The following NLRP10 variants were observed in gnomAD, a reference collection of about 807,000 sequenced individuals.
NLRP10 encodes NACHT, LRR and PYD domains-containing protein 10.
In NLRP10, 7 loss-of-function variants were observed where a neutral mutation model predicts 8.2. The observed-to-expected ratio is 0.85, with a 90% CI of 0.48 to 1.60. NLRP10 has a LOEUF of 1.60. Among genes scored for constraint, NLRP10 ranks in the 40% most tolerant of loss-of-function variants. The pLI, the probability that NLRP10 is intolerant of heterozygous loss-of-function variation, is 0.00. For synonymous variants in NLRP10, 338 were observed against 314.0 expected (o/e 1.08, Z -0.81); for missense variants, 814 against 776.3 (o/e 1.05, Z -0.58).
At chr11:7,963,122 A>C in intron 2 of NLRP10, 85 bp downstream of exon 2, 1 of 1,349,564 alleles carries the variant, frequency 7.4e-7, no homozygotes, top group East Asian at 2.3e-5. Context: ...CATAAGGTAC[A>C]GGCTACAGGC....
rs529453927 is a variant in NLRP10 at position 7,961,065 on chromosome 11, C to T, written c.547G>A (p.Ala183Thr). Reference sequence around the variant, plus strand: ...GCCCAGTCCAACACCATTTTTCTGGCGAGAGTTGTCTTTCCAGTGCCAGCC... The same window carrying T: ...GCCCAGTCCAACACCATTTTTCTGGTGAGAGTTGTCTTTCCAGTGCCAGCC... ...GSAGTGKTTL[A>T]RKMVLDWATG... Residue 183 changes from alanine to threonine, a missense_variant, in exon 3 of 3, where the codon GCC becomes ACC. By Grantham distance (58) the Ala-to-Thr change is moderately conservative (BLOSUM62 0). Transcript: ENST00000691676. The T allele has an allele frequency of 1.9e-5, 30 of 1,614,184 alleles. No individual in the cohort carries two copies. In the East Asian group the frequency reaches 4.7e-4, roughly 25 times the overall value.
chr11:7,958,362 C>T lies in NLRP10; in HGVS notation c.*1282G>A, dbSNP rs1941655604. On this transcript the variant is annotated 3_prime_UTR_variant, in exon 3 of 3. Transcript: ENST00000691676. The stretch of plus-strand genomic sequence containing the variant: ...CCAGCAATGAATAAGGCTCCCACTA[C>T]TCCACATCCTAACAAGCATTTAGTG... Among the ~76,000 whole-genome samples, 1 of 152,220 alleles carries T rather than the reference C, an allele frequency of 6.6e-6. No individual in the cohort carries two copies. The highest frequency in any genetic ancestry group is 2.4e-5 in the African/African-American group (1 of 41,458).
chr11:7,963,610 G>T, intron 1 of NLRP10, 70 bp from the exon 2 acceptor site: 2 of 868,918 alleles, frequency 2.3e-6, no homozygotes, highest in Non-Finnish European at 3.5e-6. Flanking sequence ...GCTTGGCCAA[G>T]TTATAGAGCG....
At position 7,961,444 on chromosome 11, in the gene NLRP10, T is replaced by G. The variant is rs1271802754; in HGVS notation, c.290-122A>C. 10 of 692,560 alleles carry G rather than the reference T, an allele frequency of 1.4e-5. No homozygotes were observed. In the Admixed American group the frequency reaches 1.7e-4, roughly 12 times the overall value. 42.9% of individuals were successfully genotyped at this position (692,560 alleles called of 1,614,324 possible). A position where few individuals can be genotyped will look rare whatever the true frequency, so the allele number is the denominator to read the frequency against. Reference sequence around the variant, plus strand: ...GTCTCCAACTTGGATCTTGCTGAGATTATAGTTCTGGCTTCATGGGGAGGG... The same window carrying G: ...GTCTCCAACTTGGATCTTGCTGAGAGTATAGTTCTGGCTTCATGGGGAGGG... On this transcript the variant is annotated intron_variant, in intron 2 of 2. Coordinates refer to ENST00000691676, the MANE Select transcript of NLRP10 (RefSeq NM_001391958.1).
At chr11:7,962,231 C>CTTTTTTTTTT (rs71452435) in intron 2 of NLRP10, among the ~76,000 whole-genome samples, 2,713 of 66,914 alleles carry the variant, frequency 0.041, 818 homozygotes, top group Admixed American at 0.053. Context: ...TAAGCCTGTT[C>CTTTTTTTTTT]TTTTTTTTTT....
chr11:7,961,314 C>T lies in NLRP10; in HGVS notation c.298G>A (p.Glu100Lys). 4 of 1,551,234 alleles carry T rather than the reference C, an allele frequency of 2.6e-6. No homozygotes were observed. The highest frequency in any genetic ancestry group is 2.6e-6 in the Non-Finnish European group (3 of 1,147,732). Residue 100 changes from glutamate (E) to lysine (K), a missense_variant, in exon 3 of 3, where the codon GAA (glutamate) becomes AAA (lysine). By Grantham distance (56) the Glu-to-Lys change is moderately conservative (BLOSUM62 1). Transcript: ENST00000691676. The stretch of plus-strand genomic sequence containing the variant: ...CAGCGCACATGCTCTCGGTATACTT[C>T]TCTGTAATCTGAGCCAAACAAATGG... ...LSHICLHDYR[E>K]VYREHVRCLE...
chr11:7,959,666 G>T lies in NLRP10; in HGVS notation c.1946C>A (p.Thr649Lys), dbSNP rs745968010. The T allele has an allele frequency of 2.6e-6, 4 of 1,567,046 alleles. No homozygotes were observed. The highest frequency in any genetic ancestry group is 2.1e-5 in the Admixed American group (1 of 47,282). ...GGTTTATATGTAAGTATTTTTTGGT[G>T]TTTCCTCTGTCCCTCTGCCTTTTCC... is the stretch of plus-strand genomic sequence containing the variant. ...STGKGRGTEE[T>K]PKNTYI The change falls in exon 3 of 3, where the codon ACA becomes AAA. Residue 649 changes from threonine (T) to lysine (K), a missense_variant. Thr to Lys is a moderately conservative substitution (Grantham distance 78). Coordinates refer to ENST00000691676, the MANE Select transcript of NLRP10 (RefSeq NM_001391958.1).
chr11:7,963,526 C>A lies in NLRP10; in HGVS notation c.-31G>T, dbSNP rs374716685. 3.8e-6 allele frequency: 6 copies of A among 1,578,268 alleles called. No individual in the cohort carries two copies. In the Admixed American group the frequency reaches 5.4e-5, roughly 14 times the overall value. ...TCTGGGGGAAGGATCAAGTCCAGACCAGAAGACCAGTGACCTGGAGAAAGA... is the reference window on the plus strand; with the variant it reads ...TCTGGGGGAAGGATCAAGTCCAGACAAGAAGACCAGTGACCTGGAGAAAGA... On this transcript the variant is annotated 5_prime_UTR_variant, in exon 2 of 3. Coordinates refer to ENST00000691676, the MANE Select transcript of NLRP10 (RefSeq NM_001391958.1).
rs1941679020 is a variant in NLRP10 at position 7,959,707 on chromosome 11, T to C, written c.1905A>G (p.Gln635=). The C allele has an allele frequency of 3.1e-6, 5 of 1,602,712 alleles. No homozygotes were observed. The African/African-American group carries it at 6.8e-5, about 22-fold the overall frequency. ...TGCCTTTTCCAGTAGAAGCTTCCTT[T>C]TGTGTTCCTGCTATATTATCTTTGC... ...KEGKDNIAGT[Q]KEASTGKGRG... is the part of the protein sequence containing the mutation. The change falls in exon 3 of 3, where the codon CAA becomes CAG. Residue 635 remains glutamine (Q), a synonymous_variant. Coordinates refer to ENST00000691676, the MANE Select transcript of NLRP10 (RefSeq NM_001391958.1).
Position 7,960,238 on chromosome 11 carries a change from G to A in NLRP10, c.1374C>T (p.Ile458=), listed in dbSNP as rs1941690414. The A allele has an allele frequency of 6.2e-7, 1 of 1,614,040 alleles. No individual in the cohort carries two copies. The highest frequency in any genetic ancestry group is 1.3e-5 in the African/African-American group (1 of 74,922). Reference sequence around the variant, plus strand: ...TGTGGCGGAAGCTGTAGAACTTCTTGATGGCAAGTCCCAATTGGTAGTCGT... The same window carrying A: ...TGTGGCGGAAGCTGTAGAACTTCTTAATGGCAAGTCCCAATTGGTAGTCGT... ...SSNDYQLGLA[I]KKFYSFRHIS... Residue 458 remains isoleucine, a synonymous_variant, in exon 3 of 3, where the codon ATC becomes ATT. Transcript: ENST00000691676.
rs1941673088 is a variant in NLRP10, at chr11:7,959,353, C to T, written c.*291G>A. On this transcript the variant is annotated 3_prime_UTR_variant, in exon 3 of 3. Coordinates refer to ENST00000691676, the MANE Select transcript of NLRP10 (RefSeq NM_001391958.1). ...AGTAGGAAGAAGTTGGATAGCAGCA[C>T]TCCTCCAACTTTGTTCTTCTTCAAT... The T allele has an allele frequency of 3.4e-6, 1 of 298,496 alleles. No individual in the cohort carries two copies. Among genetic ancestry groups the T allele is most frequent in the Non-Finnish European group, 6.1e-6 (1 of 165,036 alleles). The allele number at this position is 298,496 out of a possible 1,614,324, so 18.5% of individuals were successfully genotyped here.
chr11:7,962,599 G>A (rs906397941), intron 2 of NLRP10, among the ~76,000 whole-genome samples: 5 of 152,118 alleles, frequency 3.3e-5, no homozygotes, highest in African/African-American at 1.2e-4. Flanking sequence ...CTCAGAAAGA[G>A]CCATGACTCT....
rs754817819 is a variant in NLRP10 at position 7,961,108 on chromosome 11, T to TA, written c.503dup (p.Leu168PhefsTer34). 4 of 1,614,078 alleles carry TA rather than the reference T, an allele frequency of 2.5e-6. No homozygotes were observed. In the Admixed American group the frequency reaches 6.7e-5, roughly 27 times the overall value. On this transcript the variant is annotated frameshift_variant, in exon 3 of 3. Coordinates refer to ENST00000691676, the MANE Select transcript of NLRP10 (RefSeq NM_001391958.1). LOFTEE classifies it low-confidence loss of function (END_TRUNC). ...TGCCAGCCGACCCCTGTAGCACAAC[T>TA]AAGGATGGGGCCAGTGAGGGCTTTT...
At position 7,963,283 on chromosome 11, in the gene NLRP10, C is replaced by T. The variant is rs1941764028; in HGVS notation, c.213G>A (p.Val71=). The change falls in exon 2 of 3, where the codon GTG becomes GTA. Residue 71 remains valine, a synonymous_variant. Coordinates refer to ENST00000691676, the MANE Select transcript of NLRP10 (RefSeq NM_001391958.1). ...LISKYGEKEA[V]KVVLKGLKVM... is the part of the protein sequence containing the mutation. ...CCTTCAAGCCCTTGAGGACAACTTT[C>T]ACAGCCTCCTTTTCTCCATACTTTG... 4 of 1,614,238 alleles carry T rather than the reference C, an allele frequency of 2.5e-6. No individual in the cohort carries two copies. The highest frequency in any genetic ancestry group is 3.4e-6 in the Non-Finnish European group (4 of 1,180,042).
In NLRP10 at chr11:7,963,600, G is replaced by T. The variant is rs1208035945; in HGVS notation, c.-45-60C>A. On this transcript the variant is annotated intron_variant, in intron 1 of 2. Transcript: ENST00000691676. ...GAGAGGCCCACCCTGCTTTCTGGGG[G>T]CTTGGCCAAGTTATAGAGCGGAGGC... is the stretch of plus-strand genomic sequence containing the variant. 7 of 1,019,894 alleles carry T rather than the reference G, an allele frequency of 6.9e-6. No homozygotes were observed. In the South Asian group the frequency reaches 8.2e-5, roughly 12 times the overall value. 63.2% of individuals were successfully genotyped at this position (1,019,894 alleles called of 1,614,324 possible). A position where few individuals can be genotyped will look rare whatever the true frequency, so the allele number is the denominator to read the frequency against.
chr11:7,963,342 G>A lies in NLRP10; in HGVS notation c.154C>T (p.Leu52=). ...PPLARGELEG[L]IPVDLAELLI... ...AATTCTGCCAGGTCCACCGGAATCA[G>A]GCCCTCCAACTCCCCTCTGGCCAGT... The change falls in exon 2 of 3, where the codon CTG becomes TTG. Residue 52 remains leucine (L), a synonymous_variant. Coordinates refer to ENST00000691676, the MANE Select transcript of NLRP10 (RefSeq NM_001391958.1). The A allele has an allele frequency of 6.2e-7, 1 of 1,614,236 alleles. No homozygotes were observed. The highest frequency in any genetic ancestry group is 8.5e-7 in the Non-Finnish European group (1 of 1,180,044).
In NLRP10 at chr11:7,959,177, G is replaced by C. The variant is rs1941670926; in HGVS notation, c.*467C>G. Reference sequence around the variant, plus strand: ...TTATTTCAGCACCATTTGTTGAAAAGAGTAAACTTTCTCCATTAAATTGCT... The same window carrying C: ...TTATTTCAGCACCATTTGTTGAAAACAGTAAACTTTCTCCATTAAATTGCT... On this transcript the variant is annotated 3_prime_UTR_variant, in exon 3 of 3. Coordinates refer to ENST00000691676, the MANE Select transcript of NLRP10 (RefSeq NM_001391958.1). Among the ~76,000 whole-genome samples, 1 of 152,128 alleles carries C rather than the reference G, an allele frequency of 6.6e-6. No homozygotes were observed.
At chr11:7,963,593 T>G in intron 1 of NLRP10, 53 bp from the exon 2 acceptor site, 1 of 1,154,192 alleles carries the variant, frequency 8.7e-7, no homozygotes, top group East Asian at 2.5e-5. Flanking sequence ...CACCCTGCTT[T>G]CTGGGGGCTT....
chr11:7,964,286 T>C (rs1055963446), intron 1 of NLRP10, among the ~76,000 whole-genome samples: 2 of 152,156 alleles, frequency 1.3e-5, no homozygotes, highest in Admixed American at 1.3e-4. Flanking sequence ...CTGGAGCACA[T>C]TTGCTGGAAC....
Sources: allele counts gnomAD v4.1 joint callset (sites outside exome capture counted in the v4.1 genomes callset), GRCh38; gene constraint gnomAD v4.1.1; transcripts MANE v1.5; gene names NCBI Gene and HGNC (gene_info 2026-07-23, HGNC 2026-07-21).